Variants in AMD1 observed in about 807,000 individuals in gnomAD.
AMD1 encodes the protein adenosylmethionine decarboxylase 1.
Under a neutral mutation model 40.2 loss-of-function variants are expected in AMD1, and 11 were observed. That is an observed-to-expected ratio of 0.27 (90% CI 0.17 to 0.45). AMD1 has a LOEUF of 0.45. Among genes scored for constraint, AMD1 ranks in the 20% least tolerant of loss-of-function variants. AMD1 has a pLI of 1.00. For missense variants in AMD1, 257 were observed against 410.2 expected, an observed-to-expected ratio of 0.63 and a Z score of 3.23; for synonymous variants, 121 against 130.8, an observed-to-expected ratio of 0.93 and a Z score of 0.51.
At chr6:110,861,600 G>C in the AMD1 span, among the ~76,000 whole-genome samples, 2 of 152,048 alleles carry the variant, frequency 1.3e-5, no homozygotes, top group Non-Finnish European at 2.9e-5. Flanking sequence ...CCAGCACTTT[G>C]GGGGGCCAAA....
At chr6:110,868,132 T>C in the AMD1 span, among the ~76,000 whole-genome samples, 1 of 151,576 alleles carries the variant, frequency 6.6e-6, no homozygotes, top group East Asian at 1.9e-4. Flanking sequence ...GCCTGTATTT[T>C]CTTATTTATT....
At chr6:110,837,268 A>G in the AMD1 span, among the ~76,000 whole-genome samples, 7 of 148,942 alleles carry the variant, frequency 4.7e-5, no homozygotes, top group Non-Finnish European at 8.9e-5. Context: ...CAGGAGATCG[A>G]GATCAGTCTG....
At chr6:110,889,926 G>A (rs1371697128) in intron 3 of AMD1, 1 of 189,516 alleles carries the variant, frequency 5.3e-6, no homozygotes, top group African/African-American at 2.4e-5. Context: ...AATAAGCTCA[G>A]TTTAGAAACT....
At chr6:110,857,976 A>G in the AMD1 span, among the ~76,000 whole-genome samples, 317 of 151,942 alleles carry the variant, frequency 2.1e-3, 2 homozygotes, top group African/African-American at 7.4e-3. Flanking sequence ...CTGGGACTAC[A>G]GGCGCTTGCC....
chr6:110,830,163 C>T, the AMD1 span, among the ~76,000 whole-genome samples: 7,243 of 151,874 alleles, frequency 0.048, 182 homozygotes, highest in Middle Eastern at 0.079. Flanking sequence ...TACAGGGGCA[C>T]GCCACCATAC....
At chr6:110,869,277 C>T in the AMD1 span, among the ~76,000 whole-genome samples, 1 of 151,016 alleles carries the variant, frequency 6.6e-6, no homozygotes, top group African/African-American at 2.4e-5. Context: ...ACTACAGGAG[C>T]CCGCCACCGC....
At chr6:110,848,889 C>A in the AMD1 span, among the ~76,000 whole-genome samples, 1 of 152,158 alleles carries the variant, frequency 6.6e-6, no homozygotes, top group African/African-American at 2.4e-5. Flanking sequence ...CCTGTAGTTG[C>A]AGCTACTCAG....
At chr6:110,867,178 C>A in the AMD1 span, among the ~76,000 whole-genome samples, 1 of 150,886 alleles carries the variant, frequency 6.6e-6, no homozygotes, top group Admixed American at 6.6e-5. Flanking sequence ...GAGACTCTCT[C>A]GCTCTCTTGC....
the AMD1 span, among the ~76,000 whole-genome samples, chr6:110,854,131 T>A: frequency 1.6e-5 from 2 of 128,274 alleles, no homozygotes; most frequent in Non-Finnish European, 3.2e-5. Context: ...CTTTTTTTCT[T>A]TACTAAAGGA....
chr6:110,822,395 T>C, the AMD1 span, among the ~76,000 whole-genome samples: 15 of 149,840 alleles, frequency 1.0e-4, no homozygotes, highest in African/African-American at 3.7e-4. Flanking sequence ...GAAATAGAAA[T>C]CCTGAACAGA....
chr6:110,841,327 T>C, the AMD1 span, among the ~76,000 whole-genome samples: 1 of 152,268 alleles, frequency 6.6e-6, no homozygotes, highest in African/African-American at 2.4e-5. Flanking sequence ...GCCTCCTTGC[T>C]TTGTGCTAAT....
At chr6:110,860,870 C>CAG in the AMD1 span, among the ~76,000 whole-genome samples, 732 of 142,650 alleles carry the variant, frequency 5.1e-3, 4 homozygotes, top group African/African-American at 9.4e-3. Context: ...CACACACACA[C>CAG]AGAGAGAGAG....
the AMD1 span, chr6:110,864,572 G>A: frequency 6.6e-6 from 1 of 152,206 alleles, no homozygotes; most frequent in African/African-American, 2.4e-5. Flanking sequence ...TTTGTCCTCA[G>A]AAAACATGGG....
chr6:110,828,733 C>T, the AMD1 span, among the ~76,000 whole-genome samples: 1 of 152,182 alleles, frequency 6.6e-6, no homozygotes, highest in Non-Finnish European at 1.5e-5. Flanking sequence ...TTACCACAGT[C>T]TAATCTAGAT....
At chr6:110,878,867 G>T (rs1210063320) in intron 1 of AMD1, among the ~76,000 whole-genome samples, 3 of 152,160 alleles carry the variant, frequency 2.0e-5, no homozygotes, top group African/African-American at 7.2e-5. Flanking sequence ...CAGTTGTAAA[G>T]ATAGTCATAC....
chr6:110,830,354 TG>T, the AMD1 span, among the ~76,000 whole-genome samples: 4 of 152,198 alleles, frequency 2.6e-5, no homozygotes, highest in Non-Finnish European at 5.9e-5. Context: ...GATCTCACTT[TG>T]CTGCCCAAGC....
the AMD1 span, among the ~76,000 whole-genome samples, chr6:110,854,129 C>G: frequency 6.6e-6 from 1 of 152,008 alleles, no homozygotes; most frequent in Non-Finnish European, 1.5e-5. Context: ...TACTTTTTTT[C>G]TTTACTAAAG....
At chr6:110,846,167 A>T in the AMD1 span, among the ~76,000 whole-genome samples, 1 of 152,158 alleles carries the variant, frequency 6.6e-6, no homozygotes, top group Non-Finnish European at 1.5e-5. Context: ...TGAACCTAGG[A>T]GGCAGAGGTT....
At chr6:110,829,306 C>T in the AMD1 span, among the ~76,000 whole-genome samples, 6 of 150,738 alleles carry the variant, frequency 4.0e-5, no homozygotes, top group Admixed American at 3.3e-4. Context: ...CTGAGGCAGG[C>T]GGATCCCTTG....
Sources: allele counts gnomAD v4.1 joint callset (sites outside exome capture counted in the v4.1 genomes callset), GRCh38; gene constraint gnomAD v4.1.1; transcripts MANE v1.5; gene names NCBI Gene and HGNC (gene_info 2026-07-23, HGNC 2026-07-21).